The following CELF5 variants were observed in gnomAD, a reference collection of about 807,000 sequenced individuals.
The protein encoded by CELF5 is CUG-BP and ETR-3 like factor 5.
Under a neutral mutation model 54.9 loss-of-function variants are expected in CELF5, and 6 were observed. The observed-to-expected ratio is 0.11, with a 90% CI of 0.06 to 0.22. The LOEUF (loss-of-function observed/expected upper bound fraction) is 0.22. Among genes scored for constraint, CELF5 ranks in the 10% least tolerant of loss-of-function variants. The pLI is 1.00. For synonymous variants in CELF5, 271 were observed against 290.9 expected (o/e 0.93, Z 0.70); for missense variants, 401 against 678.6 (o/e 0.59, Z 4.54).
Position 3,282,098 on chromosome 19 carries a change from C to G in CELF5, c.751-28C>G. The G allele has an allele frequency of 6.2e-7, 1 of 1,613,748 alleles. No individual in the cohort carries two copies. Among genetic ancestry groups the G allele is most frequent in the Non-Finnish European group, 8.5e-7 (1 of 1,179,828 alleles). ...GCCATGATCTCAGGGCAGATATCAC[C>G]CCAACTGTGACATGTCTTCACCCCC... On this transcript the variant is annotated intron_variant, in intron 6 of 12. Transcript: ENST00000292672. The surrounding 1 kb of genome is among the most constrained non-coding windows in gnomAD (Gnocchi z 5.2).
At chr19:3,270,870 G>A (rs1289776458) in intron 2 of CELF5, among the ~76,000 whole-genome samples, 1 of 151,912 alleles carries the variant, frequency 6.6e-6, no homozygotes, top group African/African-American at 2.4e-5. Context: ...AAGGTCCCAG[G>A]CTCTGTGGCG....
chr19:3,264,376 C>T (rs1248357206), intron 2 of CELF5, among the ~76,000 whole-genome samples: 1 of 149,188 alleles, frequency 6.7e-6, no homozygotes, highest in Non-Finnish European at 1.5e-5. Context: ...TTTATGTGTG[C>T]CTTCTTGTTT....
intron 10 of CELF5, among the ~76,000 whole-genome samples, chr19:3,287,608 G>T (rs1183992372): frequency 6.6e-6 from 1 of 151,406 alleles, no homozygotes; most frequent in Non-Finnish European, 1.5e-5. Flanking sequence ...AGGAAAGCTG[G>T]CTGGGTGCGG....
At chr19:3,236,799 C>T (rs1395523475) in intron 1 of CELF5, among the ~76,000 whole-genome samples, 3 of 150,890 alleles carry the variant, frequency 2.0e-5, no homozygotes, top group African/African-American at 7.3e-5. Flanking sequence ...GCCTGGCCAA[C>T]ATGGTGAAAC....
chr19:3,296,873 A>G lies in CELF5; in HGVS notation c.*156A>G, dbSNP rs555187394. ...ACACACACAGAAGAGAAAGCAAAGA[A>G]CTTGGAACTTTGGGTTGACTCGGTT... is the stretch of plus-strand genomic sequence containing the variant. On this transcript the variant is annotated 3_prime_UTR_variant, in exon 13 of 13. Coordinates refer to ENST00000292672, the MANE Select transcript of CELF5 (RefSeq NM_021938.4). 15 of 152,296 alleles carry G rather than the reference A, an allele frequency of 9.8e-5. 1 individual carries two copies. In the Middle Eastern group the frequency reaches 0.01, roughly 104 times the overall value. The allele number at this position is 152,296 out of a possible 1,614,324, so 9.4% of individuals were successfully genotyped here. A position where few individuals can be genotyped will look rare whatever the true frequency, so the allele number is the denominator to read the frequency against.
At chr19:3,262,933 T>C (rs1398706074) in intron 2 of CELF5, among the ~76,000 whole-genome samples, 2 of 150,308 alleles carry the variant, frequency 1.3e-5, no homozygotes, top group African/African-American at 2.5e-5. Context: ...AGTGAGACTC[T>C]GTCTCAAAAA....
intron 2 of CELF5, among the ~76,000 whole-genome samples, chr19:3,264,715 C>CTT (rs199916655): frequency 2.8e-5 from 4 of 143,164 alleles, no homozygotes; most frequent in African/African-American, 1.0e-4. Flanking sequence ...CACACCCGGC[C>CTT]TTTTTTTTTT....
chr19:3,244,114 T>A (rs1354431721), intron 1 of CELF5, among the ~76,000 whole-genome samples: 1 of 151,942 alleles, frequency 6.6e-6, no homozygotes, highest in East Asian at 1.9e-4. Flanking sequence ...ACATTACGCA[T>A]TTTCACCAGC....
intron 1 of CELF5, among the ~76,000 whole-genome samples, chr19:3,236,524 G>A (rs1295247000): frequency 6.6e-6 from 1 of 152,104 alleles, no homozygotes; most frequent in African/African-American, 2.4e-5. Context: ...CAGGGGGTTC[G>A]GGATCAAAGG....
chr19:3,263,430 G>C (rs778698386), intron 2 of CELF5, among the ~76,000 whole-genome samples: 6 of 150,094 alleles, frequency 4.0e-5, no homozygotes, highest in Non-Finnish European at 8.9e-5. Context: ...GCATGGTGTC[G>C]CGTGCCTGTA....
intron 12 of CELF5, chr19:3,295,487 A>C (rs955856790): frequency 6.6e-6 from 1 of 152,208 alleles, no homozygotes; most frequent in African/African-American, 2.4e-5. Context: ...AGCGGGGGAC[A>C]CAGGAAGGGC....
chr19:3,293,669 G>T, intron 12 of CELF5, 183 bp downstream of exon 12: 1 of 561,726 alleles, frequency 1.8e-6, no homozygotes. Flanking sequence ...TCCCCCTGTG[G>T]TTGGGGCTGG....
chr19:3,296,211 C>A (rs1036272392), intron 12 of CELF5: 13 of 151,196 alleles, frequency 8.6e-5, no homozygotes, highest in Admixed American at 2.6e-4. Context: ...TGTACAGCTG[C>A]CCAATCCGCG....
At chr19:3,287,844 GT>G (rs34155138) in intron 10 of CELF5, among the ~76,000 whole-genome samples, 19,077 of 152,224 alleles carry the variant, frequency 0.13, 1,269 homozygotes, top group Middle Eastern at 0.22. Flanking sequence ...TGGTAGCACT[GT>G]TTTCTCCATG....
At position 3,281,368 on chromosome 19, in the gene CELF5, C is replaced by T. The variant is rs200278602; in HGVS notation, c.750+23C>T. ...GCTGTGAGTGACCCAGTGACAGCTTCGGGGCTCCGGCTCCGTCTCTCTCAG... is the reference window on the plus strand; with the variant it reads ...GCTGTGAGTGACCCAGTGACAGCTTTGGGGCTCCGGCTCCGTCTCTCTCAG... On this transcript the variant is annotated intron_variant, in intron 6 of 12. Coordinates refer to ENST00000292672, the MANE Select transcript of CELF5 (RefSeq NM_021938.4). This position sits in a 1 kb window ranked among gnomAD's most constrained non-coding sequence, Gnocchi z 6.5. 8.8e-6 allele frequency: 14 copies of T among 1,584,752 alleles called. No homozygotes were observed. The East Asian group carries it at 1.6e-4, about 18-fold the overall frequency.
intron 1 of CELF5, among the ~76,000 whole-genome samples, chr19:3,246,786 A>G (rs2079573476): frequency 6.6e-6 from 1 of 152,172 alleles, no homozygotes; most frequent in South Asian, 2.1e-4. Context: ...AAACATCCCA[A>G]TGCCCACCCA....
At chr19:3,272,364 T>TCC (rs773720998) in intron 2 of CELF5, among the ~76,000 whole-genome samples, 1,680 of 138,872 alleles carry the variant, frequency 0.012, 20 homozygotes, top group Non-Finnish European at 0.017. Flanking sequence ...TGAGAGTCCG[T>TCC]CCCAAGAAAA....
intron 2 of CELF5, among the ~76,000 whole-genome samples, chr19:3,260,917 T>G (rs1206503533): frequency 2.6e-5 from 4 of 151,578 alleles, no homozygotes; most frequent in African/African-American, 9.7e-5. Flanking sequence ...CCACTGCGCC[T>G]GGCCACCTGG....
chr19:3,264,391 G>A (rs1485733970), intron 2 of CELF5, among the ~76,000 whole-genome samples: 1 of 147,668 alleles, frequency 6.8e-6, no homozygotes, highest in East Asian at 2.0e-4. Flanking sequence ...TTGTTTCACT[G>A]TTTTTTCTTT....
Sources: allele counts gnomAD v4.1 joint callset (sites outside exome capture counted in the v4.1 genomes callset), GRCh38; gene constraint gnomAD v4.1.1; non-coding constraint Gnocchi (gnomAD v3.1); transcripts MANE v1.5; gene names NCBI Gene and HGNC (gene_info 2026-07-23, HGNC 2026-07-21).